Variants in ATP11B observed in about 807,000 individuals in gnomAD.
ATP11B encodes ATPase phospholipid transporting 11B (putative).
A neutral mutation model predicts 157.8 loss-of-function variants in ATP11B; 81 were observed. The ratio of observed to expected loss-of-function variants is 0.51; its 90% CI spans 0.43 to 0.62. The LOEUF is 0.62. Ranked by LOEUF, ATP11B falls within the 20% of genes least tolerant of loss-of-function variation. The pLI is 0.00. For missense variants in ATP11B, 1,165 were observed against 1,402.2 expected (o/e 0.83, Z 2.70); for synonymous variants, 451 against 469.4 (o/e 0.96, Z 0.51).
rs1715399139 is a variant in ATP11B, at chr3:182,793,779, A to G, written c.20A>G (p.Gln7Arg). The G allele has an allele frequency of 1.4e-6, 2 of 1,400,634 alleles. No homozygotes were observed. Among genetic ancestry groups the G allele is most frequent in the Non-Finnish European group, 1.9e-6 (2 of 1,070,976 alleles). The allele number at this position is 1,400,634 out of a possible 1,614,324, so 86.8% of individuals were successfully genotyped here. A position where few individuals can be genotyped will look rare whatever the true frequency, so the allele number is the denominator to read the frequency against. MWRWIR[Q>R]QLGFDPPHQS... ...GGGGGAATGTGGCGCTGGATCCGGC[A>G]GCAGCTGGTAGGTGCCCCCGCCCCT... The change falls in exon 1 of 30, where the codon CAG becomes CGG. Residue 7 changes from glutamine (Q) to arginine (R), a missense_variant. By Grantham distance (43) the Gln-to-Arg change is conservative. Around this residue, in one of 4 missense-constraint regions of ATP11B, gnomAD observed 91 missense variants for 95.8 expected, o/e 0.95. Transcript: ENST00000323116.
chr3:182,835,989 T>A (rs1442168599), intron 4 of ATP11B, 46 bp from the exon 5 acceptor site: 1 of 1,495,186 alleles, frequency 6.7e-7, no homozygotes, highest in East Asian at 2.3e-5. Context: ...AAAAGTATCT[T>A]CAAATTATAC....
chr3:182,917,115 A>T (rs1725191063), intron 29 of ATP11B: 1 of 985,208 alleles, frequency 1.0e-6, no homozygotes. Flanking sequence ...TGGGAAAGAG[A>T]AAATATTTGA....
intron 19 of ATP11B, among the ~76,000 whole-genome samples, chr3:182,878,267 A>G (rs1722183188): frequency 1.3e-5 from 2 of 152,348 alleles, no homozygotes; most frequent in African/African-American, 4.8e-5. Context: ...ACTAAAATCT[A>G]TCAATATATG....
Position 182,869,155 on chromosome 3 carries a change from A to T in ATP11B, c.1762+4A>T. The T allele has an allele frequency of 6.2e-7, 1 of 1,607,070 alleles. No individual in the cohort carries two copies. Among genetic ancestry groups the T allele is most frequent in the Non-Finnish European group, 8.5e-7 (1 of 1,176,434 alleles). On this transcript the variant is annotated splice_donor_region_variant and intron_variant, in intron 16 of 29. Transcript: ENST00000323116. ...GTAATTGTTCAGGCACCTTCAGGTAACCAATCTAAACTTTCATGAATTTTT... is the reference window on the plus strand; with the variant it reads ...GTAATTGTTCAGGCACCTTCAGGTATCCAATCTAAACTTTCATGAATTTTT...
At chr3:182,812,398 A>C (rs747860534) in intron 1 of ATP11B, among the ~76,000 whole-genome samples, 1 of 152,220 alleles carries the variant, frequency 6.6e-6, no homozygotes, top group Non-Finnish European at 1.5e-5. Context: ...TACTGCAGCC[A>C]TAAAATTTAC....
chr3:182,818,256 CTT>C (rs1717088025), intron 1 of ATP11B, among the ~76,000 whole-genome samples: 1 of 152,206 alleles, frequency 6.6e-6, no homozygotes. Context: ...CTGTGAACCT[CTT>C]TTGAGAAATA....
At chr3:182,813,860 T>TG (rs1442813007) in intron 1 of ATP11B, among the ~76,000 whole-genome samples, 1 of 151,974 alleles carries the variant, frequency 6.6e-6, no homozygotes, top group Admixed American at 6.6e-5. Flanking sequence ...CCCGAGTAGC[T>TG]GGAACTATAG....
intron 1 of ATP11B, among the ~76,000 whole-genome samples, chr3:182,814,890 C>T (rs770316382): frequency 5.9e-5 from 9 of 151,968 alleles, no homozygotes; most frequent in Non-Finnish European, 7.4e-5. Context: ...ATACTGGAAC[C>T]GTATAAAAGG....
At chr3:182,886,442 C>T (rs925699597) in intron 23 of ATP11B, among the ~76,000 whole-genome samples, 3 of 152,076 alleles carry the variant, frequency 2.0e-5, no homozygotes, top group African/African-American at 4.8e-5. Flanking sequence ...ATCTCAGAAG[C>T]TACCTTTAAA....
intron 10 of ATP11B, among the ~76,000 whole-genome samples, chr3:182,849,402 T>C (rs1719791773): frequency 6.6e-6 from 1 of 152,148 alleles, no homozygotes; most frequent in South Asian, 2.1e-4. Flanking sequence ...AAGCAGAATA[T>C]GAAGAAAATG....
intron 28 of ATP11B, among the ~76,000 whole-genome samples, chr3:182,900,890 T>A (rs919483600): frequency 6.7e-6 from 1 of 150,286 alleles, no homozygotes; most frequent in Non-Finnish European, 1.5e-5. Flanking sequence ...TACTAAAAAT[T>A]AAAAAAATAG....
At chr3:182,847,715 A>G (rs1441185611) in intron 9 of ATP11B, among the ~76,000 whole-genome samples, 1 of 152,186 alleles carries the variant, frequency 6.6e-6, no homozygotes, top group South Asian at 2.1e-4. Context: ...TTAATTTGTC[A>G]TACAGACCTC....
intron 12 of ATP11B, among the ~76,000 whole-genome samples, chr3:182,862,984 C>A (rs752738086): frequency 6.6e-6 from 1 of 151,870 alleles, no homozygotes; most frequent in Non-Finnish European, 1.5e-5. Context: ...GGTGCAATCT[C>A]GGCTCACTGC....
chr3:182,848,388 TA>T, intron 9 of ATP11B, 87 bp from the exon 10 acceptor site: 1 of 769,310 alleles, frequency 1.3e-6, no homozygotes, highest in Non-Finnish European at 1.9e-6. Context: ...GACAGTACAC[TA>T]AAAGCTTTCA....
intron 19 of ATP11B, among the ~76,000 whole-genome samples, chr3:182,874,295 A>C (rs1721873491): frequency 6.6e-6 from 1 of 152,210 alleles, no homozygotes; most frequent in Admixed American, 6.5e-5. Flanking sequence ...ACAGCATCAG[A>C]ATTGAGTAGT....
intron 1 of ATP11B, among the ~76,000 whole-genome samples, chr3:182,794,407 C>G (rs1464310010): frequency 2.0e-5 from 3 of 152,172 alleles, no homozygotes; most frequent in Admixed American, 2.0e-4. Flanking sequence ...GCTTCGGAAA[C>G]GATACGTATT....
chr3:182,903,980 A>G (rs1019075388), intron 28 of ATP11B, among the ~76,000 whole-genome samples: 48 of 152,248 alleles, frequency 3.2e-4, no homozygotes, highest in African/African-American at 9.9e-4. Context: ...TCATAAATCA[A>G]AGAAATCACA....
At chr3:182,867,225 G>T in intron 14 of ATP11B, 151 bp from the exon 15 acceptor site, 1 of 589,960 alleles carries the variant, frequency 1.7e-6, no homozygotes, top group Non-Finnish European at 2.9e-6. Context: ...CACCACTCCT[G>T]GCACCAAAGT....
At chr3:182,806,799 T>C (rs577930168) in intron 1 of ATP11B, among the ~76,000 whole-genome samples, 1 of 152,288 alleles carries the variant, frequency 6.6e-6, no homozygotes, top group African/African-American at 2.4e-5. Context: ...ATTTTAAAGG[T>C]ACCCAGCTTT....
Sources: gnomAD v4.1 joint callset for allele counts (sites outside exome capture counted in the v4.1 genomes callset) on GRCh38, gnomAD v4.1.1 for gene constraint, gnomAD v4.1.1 regional missense constraint, MANE v1.5 for transcripts, NCBI Gene and HGNC (gene_info 2026-07-23, HGNC 2026-07-21) for gene names.